Variants in SYNJ1 observed in about 807,000 individuals in gnomAD.
The protein encoded by SYNJ1 is polyphosphatidylinositol phosphatase SYNJ1.
In SYNJ1, 78 loss-of-function variants were observed where a neutral mutation model predicts 168.2. The ratio of observed to expected loss-of-function variants is 0.46; its 90% confidence interval spans 0.39 to 0.56. The LOEUF (loss-of-function observed/expected upper bound fraction) is 0.56, where lower values mean the gene tolerates loss of function less well. Among genes scored for constraint, SYNJ1 ranks in the 20% least tolerant of loss-of-function variants. The probability of loss-of-function intolerance (pLI) is 0.00; values close to 1 mark genes in which losing one functional copy is unlikely to be tolerated. For synonymous variants in SYNJ1, 539 were observed against 548.6 expected, an observed-to-expected ratio of 0.98 and a Z score of 0.24; for missense variants, 1,303 against 1,597.6, an observed-to-expected ratio of 0.82 and a Z score of 3.14.
intron 4 of SYNJ1, among the ~76,000 whole-genome samples, chr21:32,696,060 G>A (rs2042201644): frequency 6.6e-6 from 1 of 152,062 alleles, no homozygotes; most frequent in Non-Finnish European, 1.5e-5. Context: ...GTTAGTGTTA[G>A]CCAGGATGGT....
chr21:32,720,540 A>G (rs2043183607), intron 2 of SYNJ1, among the ~76,000 whole-genome samples: 1 of 152,244 alleles, frequency 6.6e-6, no homozygotes, highest in Non-Finnish European at 1.5e-5. Flanking sequence ...AAAGAATCTC[A>G]TAAGGACAAC....
At chr21:32,724,555 T>C (rs978382783) in intron 2 of SYNJ1, among the ~76,000 whole-genome samples, 2 of 152,202 alleles carry the variant, frequency 1.3e-5, no homozygotes, top group South Asian at 4.1e-4. Context: ...TAGATGAATA[T>C]GCAGAATGCA....
chr21:32,688,456 T>C, intron 6 of SYNJ1, 89 bp from the exon 7 acceptor site: 1 of 1,067,234 alleles, frequency 9.4e-7, no homozygotes, highest in Non-Finnish European at 1.4e-6. Flanking sequence ...ACAATTTCTT[T>C]GCTGAACACA....
chr21:32,650,439 A>G (rs1343853034), intron 22 of SYNJ1, 93 bp from the exon 23 acceptor site: 5 of 1,058,818 alleles, frequency 4.7e-6, no homozygotes, highest in Non-Finnish European at 6.7e-6. Context: ...ATGCAATGGT[A>G]TAGACAGTTA....
intron 18 of SYNJ1, among the ~76,000 whole-genome samples, chr21:32,663,278 G>T (rs1308590715): frequency 6.6e-6 from 1 of 152,174 alleles, no homozygotes; most frequent in Non-Finnish European, 1.5e-5. Context: ...GCTGGAGAAG[G>T]AAAAGAATTC....
At chr21:32,719,863 T>C (rs2043157017) in intron 2 of SYNJ1, among the ~76,000 whole-genome samples, 1 of 152,090 alleles carries the variant, frequency 6.6e-6, no homozygotes, top group Non-Finnish European at 1.5e-5. Context: ...CTACAAAAGC[T>C]GTTGGGACAC....
rs867547488 is a variant in SYNJ1 at position 32,665,052 on chromosome 21, T to G, written c.2165A>C (p.His722Pro). 1 of 1,600,112 alleles carries G rather than the reference T, an allele frequency of 6.2e-7. No homozygotes were observed. The highest frequency in any genetic ancestry group is 1.3e-5 in the African/African-American group (1 of 74,378). Residue 722 changes from histidine to proline, a missense_variant, in exon 18 of 33, where the codon CAT becomes CCT. Coordinates refer to ENST00000674351, the MANE Select transcript of SYNJ1 (RefSeq NM_203446.3). The part of the protein sequence containing the change: ...SFPMGRMLFS[H>P]DYVFWCGDFN... ...ATCACCACACCAAAATACATAGTCATGGGAAAATAGCATCCTTCCCTGAAA... is the reference window on the plus strand; with the variant it reads ...ATCACCACACCAAAATACATAGTCAGGGGAAAATAGCATCCTTCCCTGAAA...
rs2042158413 is a variant in SYNJ1, at chr21:32,695,168, C to G, written c.594G>C (p.Gln198His). ...EIRTIYAAHK[Q>H]AKACLISRLS... Reference sequence around the variant, plus strand: ...ATCTTGAAATGAGGCAAGCCTTCGCCTGTTTATGAGCAGCATAAATTGTTC... The same window carrying G: ...ATCTTGAAATGAGGCAAGCCTTCGCGTGTTTATGAGCAGCATAAATTGTTC... Residue 198 changes from glutamine to histidine, a missense_variant, in exon 5 of 33, where the codon CAG becomes CAC. Physicochemically the swap from Gln to His is conservative, Grantham distance 24. This residue lies in a region of SYNJ1 where 920 missense variants were observed against 1,208.8 expected (regional missense o/e 0.76). Coordinates refer to ENST00000674351, the MANE Select transcript of SYNJ1 (RefSeq NM_203446.3). 5.0e-6 allele frequency: 8 copies of G among 1,614,130 alleles called. No homozygotes were observed. Among genetic ancestry groups the G allele is most frequent in the Non-Finnish European group, 6.8e-6 (8 of 1,180,014 alleles).
At chr21:32,689,989 T>C (rs1464064196) in intron 6 of SYNJ1, among the ~76,000 whole-genome samples, 1 of 152,250 alleles carries the variant, frequency 6.6e-6, no homozygotes, top group African/African-American at 2.4e-5. Flanking sequence ...ATTAATTGCC[T>C]ATCACTCCAT....
chr21:32,671,406 T>A (rs1377993391), intron 14 of SYNJ1, among the ~76,000 whole-genome samples: 1 of 152,206 alleles, frequency 6.6e-6, no homozygotes, highest in Non-Finnish European at 1.5e-5. Context: ...CATGCATACA[T>A]CATCTTATTT....
chr21:32,637,227 G>C (rs2039607695), intron 31 of SYNJ1, among the ~76,000 whole-genome samples: 1 of 151,952 alleles, frequency 6.6e-6, no homozygotes, highest in African/African-American at 2.4e-5. Context: ...AAAGCTCAGA[G>C]TGGCTAGTTG....
At chr21:32,667,111 C>CAAA (rs138649719) in intron 15 of SYNJ1, among the ~76,000 whole-genome samples, 33 of 121,944 alleles carry the variant, frequency 2.7e-4, no homozygotes, top group African/African-American at 9.9e-4. Context: ...GTAAAAAAGA[C>CAAA]AAAAAAAAAA....
chr21:32,725,959 G>C (rs2043433011), intron 2 of SYNJ1, among the ~76,000 whole-genome samples: 1 of 152,058 alleles, frequency 6.6e-6, no homozygotes, highest in African/African-American at 2.4e-5. Context: ...GCCCACCTCA[G>C]CCTCCCAAGT....
rs748629930 is a variant in SYNJ1, at chr21:32,642,112, G to A, written c.3500C>T (p.Thr1167Ile). ...EMEAPKSPGT[T>I]RKDNIGRSQP... Reference sequence around the variant, plus strand: ...GTTTTTACCTATATTATCTTTCCTTGTTGTTCCAGGGCTTTTGGGTGCTTT... The same window carrying A: ...GTTTTTACCTATATTATCTTTCCTTATTGTTCCAGGGCTTTTGGGTGCTTT... Residue 1167 changes from threonine to isoleucine, a missense_variant, in exon 28 of 33, where the codon ACA (threonine) becomes ATA (isoleucine). Coordinates refer to ENST00000674351, the MANE Select transcript of SYNJ1 (RefSeq NM_203446.3). 12 of 1,613,838 alleles carry A rather than the reference G, an allele frequency of 7.4e-6. No homozygotes were observed. The highest frequency in any genetic ancestry group is 2.5e-6 in the Non-Finnish European group (3 of 1,179,996).
intron 23 of SYNJ1, 29 bp downstream of exon 23, chr21:32,650,155 C>T (rs1330820694): frequency 7.6e-6 from 12 of 1,568,742 alleles, no homozygotes; most frequent in African/African-American, 4.2e-5. Flanking sequence ...TCTAGAACTA[C>T]AAGAAGTAAA....
chr21:32,644,945 T>C (rs749321530), intron 26 of SYNJ1, 23 bp downstream of exon 26: 9 of 1,605,404 alleles, frequency 5.6e-6, no homozygotes, highest in Non-Finnish European at 6.8e-6. Context: ...GATTCACACA[T>C]GCTAACAAAT....
At chr21:32,688,236 T>G in intron 7 of SYNJ1, 70 bp downstream of exon 7, 1 of 1,436,324 alleles carries the variant, frequency 7.0e-7, no homozygotes, top group Non-Finnish European at 9.5e-7. Flanking sequence ...TTGAAGTGAA[T>G]CAGTAAATAC....
chr21:32,704,924 C>T (rs945528684), intron 2 of SYNJ1, among the ~76,000 whole-genome samples: 17 of 151,724 alleles, frequency 1.1e-4, no homozygotes, highest in African/African-American at 3.6e-4. Flanking sequence ...CCCAGGTGGG[C>T]GGATTATGAG....
intron 22 of SYNJ1, among the ~76,000 whole-genome samples, chr21:32,651,188 C>T (rs962514082): frequency 6.6e-6 from 1 of 152,226 alleles, no homozygotes; most frequent in Non-Finnish European, 1.5e-5. Flanking sequence ...AATTTAATCT[C>T]TCTCCCACAT....
Sources: allele counts gnomAD v4.1 joint callset (sites outside exome capture counted in the v4.1 genomes callset), GRCh38; gene constraint gnomAD v4.1.1; regional missense constraint gnomAD v4.1.1; transcripts MANE v1.5; gene names NCBI Gene and HGNC (gene_info 2026-07-23, HGNC 2026-07-21).